The following RBM33 variants were observed in gnomAD, a reference collection of about 807,000 sequenced individuals.
RBM33 encodes RNA-binding protein 33.
RBM33 carries 28 observed loss-of-function variants against 132.6 expected under a neutral mutation model. The ratio of observed to expected loss-of-function variants is 0.21; its 90% confidence interval spans 0.16 to 0.29. The LOEUF (loss-of-function observed/expected upper bound fraction) is 0.29, where lower values mean the gene tolerates loss of function less well. Ranked by LOEUF, RBM33 falls within the 10% of genes least tolerant of loss-of-function variation. The pLI, the probability that RBM33 is intolerant of heterozygous loss-of-function variation, is 1.00. For missense variants in RBM33, 1,291 were observed against 1,518.5 expected (o/e 0.85, Z 2.49); for synonymous variants, 634 against 593.0 (o/e 1.07, Z -1.01).
chr7:155,720,933 A>G (rs1223070316), intron 9 of RBM33, among the ~76,000 whole-genome samples: 1 of 152,208 alleles, frequency 6.6e-6, no homozygotes. Context: ...TTGAACTTCA[A>G]ATGTAGCAGG....
intron 2 of RBM33, among the ~76,000 whole-genome samples, chr7:155,670,264 C>T (rs1238723724): frequency 6.6e-6 from 1 of 152,202 alleles, no homozygotes; most frequent in Non-Finnish European, 1.5e-5. Context: ...GAATTGAACA[C>T]AGGAAGCCTC....
chr7:155,644,709 C>A lies in RBM33; in HGVS notation c.-168C>A, dbSNP rs927203532. 158 of 489,622 alleles carry A rather than the reference C, an allele frequency of 3.2e-4. No individual in the cohort carries two copies. Among genetic ancestry groups the A allele is most frequent in the Non-Finnish European group, 7.4e-5 (21 of 283,484 alleles). 30.3% of individuals were successfully genotyped at this position (489,622 alleles called of 1,614,324 possible). On this transcript the variant is annotated 5_prime_UTR_variant, in exon 1 of 18. Transcript: ENST00000401878. ...GCGGTAGTTTGTTGTTTTCTTCCTG[C>A]GGAGGCGAAGGGCCAGCTGTGGACC...
chr7:155,659,666 C>T (rs2161883), intron 1 of RBM33, among the ~76,000 whole-genome samples: 112,282 of 152,018 alleles, frequency 0.74, 41,723 homozygotes, highest in South Asian at 0.79. Context: ...GAAAAAAAAT[C>T]TGAGGAAATA....
intron 9 of RBM33, among the ~76,000 whole-genome samples, chr7:155,723,938 A>C (rs892712729): frequency 5.9e-5 from 9 of 152,208 alleles, no homozygotes; most frequent in African/African-American, 1.9e-4. Flanking sequence ...AATCTGTTAC[A>C]TTGACTGGGA....
rs983810460 is a variant in RBM33 at position 155,777,684 on chromosome 7, T to A, written c.*2643T>A. 6.5e-6 allele frequency: 1 copy of A among 152,676 alleles called. No homozygotes were observed. The highest frequency in any genetic ancestry group is 1.9e-4 in the East Asian group (1 of 5,202). 9.5% of individuals were successfully genotyped at this position (152,676 alleles called of 1,614,324 possible). ...AAATATGGACCTTTTAAAATTAAAA[T>A]ACTATTGGAAGTGCTTTCAACTCAG... On this transcript the variant is annotated 3_prime_UTR_variant, in exon 18 of 18. Coordinates refer to ENST00000401878, the MANE Select transcript of RBM33 (RefSeq NM_053043.3).
rs1404110462 is a variant in RBM33 at position 155,777,037 on chromosome 7, G to A, written c.*1996G>A. ...TGAGGGCTTACTGATACAATGAAAT[G>A]AGTTTCATGACTTTTTTTTTTTTTA... On this transcript the variant is annotated 3_prime_UTR_variant, in exon 18 of 18. Transcript: ENST00000401878. 1 of 152,092 alleles carries A rather than the reference G, an allele frequency of 6.6e-6. No homozygotes were observed. The allele number at this position is 152,092 out of a possible 1,614,324, so 9.4% of individuals were successfully genotyped here.
intron 8 of RBM33, among the ~76,000 whole-genome samples, chr7:155,712,311 G>C (rs1800328506): frequency 6.6e-6 from 1 of 152,194 alleles, no homozygotes; most frequent in Non-Finnish European, 1.5e-5. Flanking sequence ...AACGGTTTTT[G>C]AGCAGTTTAT....
intron 16 of RBM33, among the ~76,000 whole-genome samples, chr7:155,770,888 G>A (rs1225495177): frequency 3.3e-5 from 5 of 152,150 alleles, no homozygotes; most frequent in Non-Finnish European, 5.9e-5. Flanking sequence ...TCGATCTTAC[G>A]GTTCTGGATG....
At chr7:155,695,762 C>T (rs1453974394) in intron 5 of RBM33, among the ~76,000 whole-genome samples, 5 of 152,154 alleles carry the variant, frequency 3.3e-5, no homozygotes, top group African/African-American at 1.2e-4. Flanking sequence ...TGCCTGGCCT[C>T]ATTTTCTTAA....
chr7:155,739,610 TG>T, intron 11 of RBM33, 104 bp from the exon 12 acceptor site: 1 of 1,302,846 alleles, frequency 7.7e-7, no homozygotes, highest in South Asian at 1.5e-5. Context: ...TTGGTATCGC[TG>T]AAAGTTCCTT....
intron 10 of RBM33, 90 bp from the exon 11 acceptor site, chr7:155,737,970 T>C: frequency 8.6e-7 from 1 of 1,159,898 alleles, no homozygotes; most frequent in Non-Finnish European, 1.2e-6. Flanking sequence ...TTGTGACTTC[T>C]GTCCACAGTA....
At chr7:155,685,320 T>C (rs1365372119) in intron 5 of RBM33, among the ~76,000 whole-genome samples, 2 of 152,186 alleles carry the variant, frequency 1.3e-5, no homozygotes, top group African/African-American at 4.8e-5. Context: ...ACGTATATGT[T>C]AGTGCTTTGA....
chr7:155,753,033 A>G (rs1434300803), intron 14 of RBM33, among the ~76,000 whole-genome samples: 1 of 152,188 alleles, frequency 6.6e-6, no homozygotes, highest in Non-Finnish European at 1.5e-5. Flanking sequence ...AGATATTTAA[A>G]TACTGTGTTA....
intron 1 of RBM33, among the ~76,000 whole-genome samples, chr7:155,662,639 C>T (rs1798683913): frequency 6.6e-6 from 1 of 152,060 alleles, no homozygotes; most frequent in African/African-American, 2.4e-5. Flanking sequence ...AGCAGCAGCC[C>T]CAGGTCTCCT....
Position 155,745,325 on chromosome 7 carries a change from A to G in RBM33, c.2702A>G (p.Gln901Arg), listed in dbSNP as rs749673228. 1.9e-6 allele frequency: 3 copies of G among 1,613,132 alleles called. No individual in the cohort carries two copies. The highest frequency in any genetic ancestry group is 2.5e-6 in the Non-Finnish European group (3 of 1,179,508). ...SNFVPSSANM[Q>R]YQGQQMKALK... ...TTTGTACCATCCAGTGCCAACATGCAGTATCAAGGACAACAGATGAAAGCA... is the reference window on the plus strand; with the variant it reads ...TTTGTACCATCCAGTGCCAACATGCGGTATCAAGGACAACAGATGAAAGCA... The change falls in exon 14 of 18, where the codon CAG (glutamine) becomes CGG (arginine). Residue 901 changes from glutamine (Q) to arginine (R), a missense_variant. By Grantham distance (43) the Gln-to-Arg change is conservative. This residue lies in a region of RBM33 where 841 missense variants were observed against 912.0 expected (regional missense o/e 0.92). Transcript: ENST00000401878. The surrounding 1 kb of genome is among the most constrained non-coding windows in gnomAD (Gnocchi z 4.1).
intron 5 of RBM33, among the ~76,000 whole-genome samples, chr7:155,689,098 G>A (rs1281752344): frequency 6.6e-6 from 1 of 152,004 alleles, no homozygotes; most frequent in African/African-American, 2.4e-5. Flanking sequence ...AATCCATCTG[G>A]TCCTGGACTT....
chr7:155,662,914 A>C (rs933954347), intron 1 of RBM33, among the ~76,000 whole-genome samples: 4 of 152,126 alleles, frequency 2.6e-5, no homozygotes, highest in Non-Finnish European at 4.4e-5. Context: ...GTGGAGTCTT[A>C]GCATTACTGA....
intron 11 of RBM33, chr7:155,738,618 A>G: frequency 1.8e-6 from 1 of 569,764 alleles, no homozygotes; most frequent in East Asian, 2.9e-5. Flanking sequence ...ATTTTTTGGG[A>G]ATTGAAAAAT....
At chr7:155,677,904 A>G (rs975996390) in intron 3 of RBM33, among the ~76,000 whole-genome samples, 1 of 152,228 alleles carries the variant, frequency 6.6e-6, no homozygotes, top group African/African-American at 2.4e-5. Context: ...ACATATAAGT[A>G]ATTTTAAAAA....
Sources: allele counts gnomAD v4.1 joint callset (sites outside exome capture counted in the v4.1 genomes callset), GRCh38; gene constraint gnomAD v4.1.1; regional missense constraint gnomAD v4.1.1; non-coding constraint Gnocchi (gnomAD v3.1); transcripts MANE v1.5; gene names NCBI Gene and HGNC (gene_info 2026-07-23, HGNC 2026-07-21).